The following DGKK variants were observed in gnomAD, a reference collection of about 807,000 sequenced individuals.
The protein encoded by DGKK is diacylglycerol kinase kappa.
A neutral mutation model predicts 92.2 loss-of-function variants in DGKK; 35 were observed. The ratio of observed to expected loss-of-function variants is 0.38; its 90% CI spans 0.29 to 0.50. The LOEUF is 0.50. DGKK is among the 20% of genes least tolerant of loss of function. DGKK has a pLI of 0.92. For synonymous variants in DGKK, 368 were observed against 360.6 expected (o/e 1.02, Z -0.23); for missense variants, 910 against 992.2 (o/e 0.92, Z 1.11).
chrX:50,462,986 AC>A (rs1294140365), intron 1 of DGKK, among the ~76,000 whole-genome samples: 2 of 74,484 alleles, frequency 2.7e-5, no homozygotes, highest in African/African-American at 1.0e-4. Context: ...CATACCCACC[AC>A]CCCCCCCACA....
intron 4 of DGKK, among the ~76,000 whole-genome samples, chrX:50,419,672 T>C (rs1925523755): frequency 8.9e-6 from 1 of 111,941 alleles, no homozygotes; most frequent in African/African-American, 3.2e-5. Context: ...GAGACCGCTG[T>C]AAGTAAATAA....
At chrX:50,398,242 C>A (rs1288170977) in intron 8 of DGKK, among the ~76,000 whole-genome samples, 1 of 111,750 alleles carries the variant, frequency 8.9e-6, no homozygotes, top group African/African-American at 3.3e-5. Flanking sequence ...ACCAGACCAT[C>A]TTTAAGGACC....
intron 8 of DGKK, among the ~76,000 whole-genome samples, chrX:50,396,263 T>C (rs1406925348): frequency 8.9e-6 from 1 of 111,924 alleles, no homozygotes; most frequent in Non-Finnish European, 1.9e-5. Flanking sequence ...TATTTATATT[T>C]ACTGGTATAT....
chrX:50,391,309 G>C, intron 11 of DGKK, 128 bp downstream of exon 11: 1 of 915,369 alleles, frequency 1.1e-6, no homozygotes, highest in Non-Finnish European at 1.5e-6. Context: ...CCCACAAATG[G>C]CTCTGCACTG....
chrX:50,429,482 G>A (rs782220018), intron 1 of DGKK, among the ~76,000 whole-genome samples: 5 of 111,656 alleles, frequency 4.5e-5, no homozygotes, highest in Admixed American at 9.4e-5. Context: ...TCAGGAGATC[G>A]AGACCATCCT....
intron 27 of DGKK, 119 bp downstream of exon 27, chrX:50,370,307 C>T: frequency 1.1e-6 from 1 of 944,701 alleles, no homozygotes; most frequent in Non-Finnish European, 1.4e-6. Context: ...CCCAGATGGC[C>T]TCCCGCTTCA....
intron 4 of DGKK, among the ~76,000 whole-genome samples, chrX:50,418,034 C>G (rs1925481510): frequency 9.0e-6 from 1 of 111,393 alleles, no homozygotes. Context: ...ATACCAGTTC[C>G]ATAGCCCAGG....
intron 8 of DGKK, among the ~76,000 whole-genome samples, chrX:50,396,293 G>A (rs782408783): frequency 6.4e-4 from 72 of 111,890 alleles, no homozygotes; most frequent in Non-Finnish European, 1.1e-3. Context: ...ACTACTGGAA[G>A]GTATTTAAGA....
chrX:50,418,834 C>T (rs1925501078), intron 4 of DGKK, among the ~76,000 whole-genome samples: 1 of 111,459 alleles, frequency 9.0e-6, no homozygotes, highest in African/African-American at 3.3e-5. Context: ...CTGGTAGTCA[C>T]CAGAATTTCT....
chrX:50,401,259 G>T, intron 7 of DGKK, 120 bp from the exon 8 acceptor site: 1 of 656,248 alleles, frequency 1.5e-6, no homozygotes, highest in Non-Finnish European at 2.4e-6. Context: ...CCCTTTCTGA[G>T]ATTTGGTGCC....
In DGKK at chrX:50,413,573, T is replaced by C. The variant is rs782240707; in HGVS notation, c.942+6830A>G. On this transcript the variant is annotated intron_variant, in intron 4 of 27. Transcript: ENST00000611977. ...TGAACAGATATTTCTCAAAAGAAGA[T>C]ATACAAATGGCCAATATGTACATGA... is the stretch of plus-strand genomic sequence containing the variant. Among the ~76,000 whole-genome samples the C allele has an allele frequency of 5.6e-4, 63 of 112,193 alleles. 1 individual carries two copies. Among genetic ancestry groups the C allele is most frequent in the Non-Finnish European group, 9.0e-4 (48 of 53,225 alleles).
At chrX:50,375,109 G>A in intron 24 of DGKK, 52 bp from the exon 25 acceptor site, 2 of 995,788 alleles carry the variant, frequency 2.0e-6, no homozygotes, top group Non-Finnish European at 2.8e-6. Context: ...CAGGGGAGTT[G>A]TTGGTTAGTA....
intron 1 of DGKK, among the ~76,000 whole-genome samples, chrX:50,454,481 C>T (rs1206789682): frequency 1.8e-5 from 2 of 111,347 alleles, no homozygotes; most frequent in African/African-American, 6.5e-5. Context: ...TTTACACTGT[C>T]ACAATATATA....
intron 26 of DGKK, 81 bp downstream of exon 26, chrX:50,371,643 T>C: frequency 2.8e-6 from 2 of 726,676 alleles, no homozygotes; most frequent in South Asian, 2.6e-5. Flanking sequence ...ACAGTCACCA[T>C]GTCCTGGCCC....
chrX:50,441,417 G>C (rs1926169198), intron 1 of DGKK, among the ~76,000 whole-genome samples: 1 of 111,467 alleles, frequency 9.0e-6, no homozygotes, highest in South Asian at 3.7e-4. Context: ...ATTTGGATGA[G>C]AGAAGATAGT....
intron 1 of DGKK, among the ~76,000 whole-genome samples, chrX:50,426,509 A>T (rs1925746040): frequency 9.0e-6 from 1 of 111,396 alleles, no homozygotes; most frequent in Non-Finnish European, 1.9e-5. Flanking sequence ...TTCCTATTTT[A>T]TCTGCCTGTA....
chrX:50,416,157 C>A (rs1157510393), intron 4 of DGKK, among the ~76,000 whole-genome samples: 2 of 111,702 alleles, frequency 1.8e-5, no homozygotes, highest in Non-Finnish European at 3.8e-5. Flanking sequence ...TCACCAGACA[C>A]TGAACCTGCC....
intron 1 of DGKK, among the ~76,000 whole-genome samples, chrX:50,465,244 T>A (rs1926866420): frequency 9.0e-6 from 1 of 111,436 alleles, no homozygotes; most frequent in South Asian, 3.8e-4. Context: ...TGAGGATAAC[T>A]TCCTTTTAGA....
intron 1 of DGKK, among the ~76,000 whole-genome samples, chrX:50,458,676 T>G (rs782117568): frequency 9.0e-5 from 10 of 111,308 alleles, no homozygotes; most frequent in African/African-American, 3.3e-4. Context: ...TCTTCAATGA[T>G]TGCACAACAT....
Sources: gnomAD v4.1 joint callset for allele counts (sites outside exome capture counted in the v4.1 genomes callset) on GRCh38, gnomAD v4.1.1 for gene constraint, MANE v1.5 for transcripts, NCBI Gene and HGNC (gene_info 2026-07-23, HGNC 2026-07-21) for gene names.